Variants in KAT6B observed in about 807,000 individuals in gnomAD.
KAT6B encodes lysine acetyltransferase 6B, also known as histone acetyltransferase KAT6B.
KAT6B carries 10 observed loss-of-function variants against 187.5 expected under a neutral mutation model. The observed-to-expected ratio is 0.05, with a 90% CI of 0.03 to 0.09. The LOEUF (loss-of-function observed/expected upper bound fraction) is 0.09, where lower values mean the gene tolerates loss of function less well. KAT6B is among the 10% of genes least tolerant of loss of function. KAT6B has a pLI of 1.00. For missense variants in KAT6B, 1,952 were observed against 2,558.9 expected (o/e 0.76, Z 5.12); for synonymous variants, 861 against 926.8 (o/e 0.93, Z 1.29).
intron 3 of KAT6B, among the ~76,000 whole-genome samples, chr10:74,945,802 A>G (rs1449437109): frequency 6.6e-6 from 1 of 152,220 alleles, no homozygotes; most frequent in African/African-American, 2.4e-5. Context: ...TTACACCTCA[A>G]TGTAATTATA....
At chr10:74,979,802 G>T (rs1174032839) in intron 10 of KAT6B, among the ~76,000 whole-genome samples, 1 of 152,196 alleles carries the variant, frequency 6.6e-6, no homozygotes, top group African/African-American at 2.4e-5. Context: ...ATGGGAGAAA[G>T]TAAGTGGGAA....
intron 17 of KAT6B, chr10:75,025,574 T>C: frequency 6.8e-6 from 2 of 292,546 alleles, no homozygotes; most frequent in South Asian, 8.7e-5. Flanking sequence ...TATGTACTTT[T>C]TTTTTTCACA....
chr10:74,825,106 A>G (rs1840092120), upstream of KAT6B, among the ~76,000 whole-genome samples: 1 of 152,158 alleles, frequency 6.6e-6, no homozygotes, highest in Non-Finnish European at 1.5e-5. The surrounding 1 kb of genome is among the most constrained non-coding windows in gnomAD (Gnocchi z 5.0). Context: ...CGATCAGGGT[A>G]GACACAGCTC....
At chr10:75,002,766 T>C (rs1843937925) in intron 13 of KAT6B, among the ~76,000 whole-genome samples, 4 of 152,256 alleles carry the variant, frequency 2.6e-5, no homozygotes. Flanking sequence ...ATTGAATATG[T>C]GGTCCATCGT....
chr10:74,846,500 A>G (rs1429816200), intron 3 of KAT6B, among the ~76,000 whole-genome samples: 1 of 151,968 alleles, frequency 6.6e-6, no homozygotes, highest in East Asian at 1.9e-4. Context: ...GTACAGTGGC[A>G]TGATCTTGGC....
intron 3 of KAT6B, among the ~76,000 whole-genome samples, chr10:74,949,957 A>G (rs939211355): frequency 1.4e-4 from 21 of 152,354 alleles, no homozygotes; most frequent in Middle Eastern, 3.4e-3. Flanking sequence ...CAAGATCTCC[A>G]TACATTAACA....
intron 3 of KAT6B, among the ~76,000 whole-genome samples, chr10:74,873,354 G>T (rs988150164): frequency 1.3e-5 from 2 of 151,224 alleles, no homozygotes; most frequent in Admixed American, 1.3e-4. Flanking sequence ...GGTTCCAGCT[G>T]CTCAGGAGGC....
chr10:75,008,404 A>G (rs1844373839), intron 13 of KAT6B, among the ~76,000 whole-genome samples: 1 of 152,174 alleles, frequency 6.6e-6, no homozygotes, highest in African/African-American at 2.4e-5. Context: ...TAAAAGTTAG[A>G]TTTTTAAGAA....
At chr10:74,986,050 C>G (rs1173076312) in intron 12 of KAT6B, among the ~76,000 whole-genome samples, 1 of 151,930 alleles carries the variant, frequency 6.6e-6, no homozygotes, top group Non-Finnish European at 1.5e-5. Context: ...ATCTCAAAAA[C>G]AAAACAAAAC....
intron 3 of KAT6B, among the ~76,000 whole-genome samples, chr10:74,882,950 C>CA (rs942296687): frequency 2.0e-5 from 3 of 152,084 alleles, no homozygotes; most frequent in African/African-American, 7.2e-5. Context: ...CTTTCTTCAT[C>CA]AAAAACAGCT....
intron 3 of KAT6B, among the ~76,000 whole-genome samples, chr10:74,881,581 C>T (rs1205138781): frequency 2.0e-5 from 3 of 152,184 alleles, no homozygotes; most frequent in Non-Finnish European, 4.4e-5. Flanking sequence ...AAAACAATTG[C>T]ATGTTGTCTC....
rs552510462 is a variant in KAT6B at position 74,946,121 on chromosome 10, A to G, written c.622-13849A>G. On this transcript the variant is annotated intron_variant, in intron 3 of 17. Transcript: ENST00000287239. Reference sequence around the variant, plus strand: ...ATGAATCATTTTCTGTAGTAGATTTAGGGTTATTCAGATTTTCTGTTTCTT... The same window carrying G: ...ATGAATCATTTTCTGTAGTAGATTTGGGGTTATTCAGATTTTCTGTTTCTT... 5.2e-3 allele frequency among the ~76,000 whole-genome samples: 789 copies of G among 152,336 alleles called. 9 individuals are homozygous for G. Among genetic ancestry groups the G allele is most frequent in the African/African-American group, 0.018 (755 of 41,572 alleles).
At chr10:74,952,846 ATTTTTTTTTTTTT>A (rs34687036) in intron 3 of KAT6B, among the ~76,000 whole-genome samples, 1 of 90,520 alleles carries the variant, frequency 1.1e-5, no homozygotes, top group Admixed American at 1.5e-4. Context: ...TGCCTGGCTA[ATTTTTTTTTTTTT>A]TTTTTTTTTT....
In KAT6B at chr10:74,972,792, A is replaced by T. The variant is rs950626770; in HGVS notation, c.1061+153A>T. Among the ~76,000 whole-genome samples the T allele has an allele frequency of 2.0e-5, 3 of 152,088 alleles. No individual in the cohort carries two copies. In the South Asian group the frequency reaches 6.2e-4, roughly 32 times the overall value. On this transcript the variant is annotated intron_variant, in intron 7 of 17. Coordinates refer to ENST00000287239, the MANE Select transcript of KAT6B (RefSeq NM_012330.4). ...TTTTCCTTTTGCATAAGCTGTGGAA[A>T]TTTTTTGAAAATAACATTTTTAATT...
chr10:74,849,287 C>T (rs1381887327), intron 3 of KAT6B, among the ~76,000 whole-genome samples: 1 of 144,478 alleles, frequency 6.9e-6, no homozygotes, highest in East Asian at 2.0e-4. Flanking sequence ...CCATGCCTGG[C>T]CTAACTAATG....
chr10:74,851,396 C>T (rs1842473920), intron 3 of KAT6B, among the ~76,000 whole-genome samples: 1 of 149,552 alleles, frequency 6.7e-6, no homozygotes, highest in African/African-American at 2.5e-5. Flanking sequence ...TGCAGTGGCG[C>T]GATCTCGGCT....
chr10:74,871,052 G>T (rs970027740), intron 3 of KAT6B, among the ~76,000 whole-genome samples: 4 of 146,956 alleles, frequency 2.7e-5, no homozygotes, highest in African/African-American at 2.5e-5. Context: ...TAATTTTTTT[G>T]TGTGTTTTTA....
At chr10:75,013,854 A>T (rs1053335671) in intron 13 of KAT6B, among the ~76,000 whole-genome samples, 2 of 152,182 alleles carry the variant, frequency 1.3e-5, no homozygotes, top group Non-Finnish European at 2.9e-5. Context: ...TGGACCCCAG[A>T]TTCCATTCTG....
At chr10:74,844,379 AGT>A (rs1299967254) in intron 3 of KAT6B, among the ~76,000 whole-genome samples, 1 of 152,112 alleles carries the variant, frequency 6.6e-6, no homozygotes, top group Non-Finnish European at 1.5e-5. Context: ...TTGTATTTTT[AGT>A]AGAGACCAGG....
Sources: allele counts gnomAD v4.1 joint callset (sites outside exome capture counted in the v4.1 genomes callset), GRCh38; gene constraint gnomAD v4.1.1; non-coding constraint Gnocchi (gnomAD v3.1); transcripts MANE v1.5; gene names NCBI Gene and HGNC (gene_info 2026-07-23, HGNC 2026-07-21).